The following FAM204A variants were observed in gnomAD, a reference collection of about 807,000 sequenced individuals.
FAM204A encodes protein FAM204A.
Under a neutral mutation model 35.4 loss-of-function variants are expected in FAM204A, and 16 were observed. That is an observed-to-expected ratio of 0.45 (90% CI 0.31 to 0.69). The LOEUF (loss-of-function observed/expected upper bound fraction) is 0.69. Among genes scored for constraint, FAM204A ranks in the 30% least tolerant of loss-of-function variants. The pLI, the probability that FAM204A is intolerant of heterozygous loss-of-function variation, is 0.07. For synonymous variants in FAM204A, 76 were observed against 86.9 expected, an observed-to-expected ratio of 0.88 and a Z score of 0.70; for missense variants, 240 against 265.7, an observed-to-expected ratio of 0.90 and a Z score of 0.67.
rs117363299 is a variant in FAM204A at position 118,315,608 on chromosome 10, C to T, written c.544-4295G>A. Among the ~76,000 whole-genome samples the T allele has an allele frequency of 9.4e-3, 1,425 of 152,192 alleles. 11 individuals are homozygous for T. Among genetic ancestry groups the T allele is most frequent in the Middle Eastern group, 0.027 (8 of 294 alleles). ...GTAAAGCGGAACCATTACTGGAGTA[C>T]TTAAAGTGTTAAGGTCTTTAATTTT... On this transcript the variant is annotated intron_variant, in intron 7 of 8. Transcript: ENST00000369183.
In FAM204A at chr10:118,331,843, T is replaced by TTATATATA. The variant is rs55733401; in HGVS notation, c.453+3263_453+3270dup. On this transcript the variant is annotated intron_variant, in intron 6 of 8. Coordinates refer to ENST00000369183, the MANE Select transcript of FAM204A (RefSeq NM_022063.3). The stretch of plus-strand genomic sequence containing the variant: ...ATATTTATTCATAATTTTGTTACCT[T>TTATATATA]TATATATATATATATATATATAATC... Among the ~76,000 whole-genome samples, 939 of 142,412 alleles carry TTATATATA rather than the reference T, an allele frequency of 6.6e-3. 8 individuals are homozygous for TTATATATA. The highest frequency in any genetic ancestry group is 0.017 in the African/African-American group (642 of 38,884). 93.4% of individuals were successfully genotyped at this position (142,412 alleles called of 152,430 possible). A position where few individuals can be genotyped will look rare whatever the true frequency, so the allele number is the denominator to read the frequency against.
At chr10:118,325,731 G>A (rs979640465) in intron 7 of FAM204A, among the ~76,000 whole-genome samples, 6 of 152,064 alleles carry the variant, frequency 3.9e-5, no homozygotes, top group Admixed American at 2.0e-4. Context: ...GGGCTGAGGG[G>A]GATGTGCTGA....
In FAM204A at chr10:118,307,071, A is replaced by G. The variant is rs1845874584; in HGVS notation, c.*3786T>C. 1 of 152,242 alleles carries G rather than the reference A, an allele frequency of 6.6e-6. No individual in the cohort carries two copies. The highest frequency in any genetic ancestry group is 1.5e-5 in the Non-Finnish European group (1 of 68,044). The allele number at this position is 152,242 out of a possible 1,614,324, so 9.4% of individuals were successfully genotyped here. ...TATTGATAAATTTATTCTAACACAT[A>G]TTCTACTTTCTAGCATAAAGTCACC... On this transcript the variant is annotated 3_prime_UTR_variant, in exon 9 of 9. Transcript: ENST00000369183.
intron 2 of FAM204A, 71 bp from the exon 3 acceptor site, chr10:118,336,494 TTCC>T: frequency 7.4e-7 from 1 of 1,346,380 alleles, no homozygotes. Context: ...TTAGAAGACA[TTCC>T]AGGTGCCTAA....
chr10:118,330,282 T>C (rs1227437194), intron 6 of FAM204A, among the ~76,000 whole-genome samples: 1 of 152,136 alleles, frequency 6.6e-6, no homozygotes, highest in Non-Finnish European at 1.5e-5. Context: ...ATACCTCAAC[T>C]CAGAACTTAT....
chr10:118,322,579 G>A (rs928921871), intron 7 of FAM204A, among the ~76,000 whole-genome samples: 1 of 151,898 alleles, frequency 6.6e-6, no homozygotes, highest in African/African-American at 2.4e-5. Flanking sequence ...GAAACATGAC[G>A]ACAAAATGCA....
At chr10:118,323,511 C>A (rs1846151622) in intron 7 of FAM204A, among the ~76,000 whole-genome samples, 1 of 152,106 alleles carries the variant, frequency 6.6e-6, no homozygotes. Flanking sequence ...TCAGACCAGA[C>A]TGCCACCACC....
intron 7 of FAM204A, among the ~76,000 whole-genome samples, chr10:118,323,456 CA>C (rs1846150941): frequency 6.6e-6 from 1 of 152,078 alleles, no homozygotes; most frequent in Admixed American, 6.6e-5. Context: ...ACTTAAGTAT[CA>C]GTTATCTAGA....
rs1215335022 is a variant in FAM204A at position 118,300,702 on chromosome 10, C to A, written c.*10155G>T. The A allele has an allele frequency of 6.6e-6, 1 of 152,176 alleles. No homozygotes were observed. Among genetic ancestry groups the A allele is most frequent in the Non-Finnish European group, 1.5e-5 (1 of 68,062 alleles). 9.4% of individuals were successfully genotyped at this position (152,176 alleles called of 1,614,324 possible). On this transcript the variant is annotated 3_prime_UTR_variant, in exon 9 of 9. Transcript: ENST00000369183. ...TATAGGAGCTTAGCCCTGGGGAATT[C>A]TTTGGGCAGAATCCAGGGACATACT...
intron 7 of FAM204A, chr10:118,322,311 T>C (rs1315953920): frequency 2.2e-6 from 1 of 455,988 alleles, no homozygotes; most frequent in Non-Finnish European, 4.4e-6. Context: ...CTACCTGAAG[T>C]AGTTAATCGA....
chr10:118,322,536 A>AT, intron 7 of FAM204A: 1 of 249,520 alleles, frequency 4.0e-6, no homozygotes. Context: ...ACAAAGAAAA[A>AT]CTGAGGAACC....
chr10:118,339,057 G>A (rs572475070), intron 2 of FAM204A, among the ~76,000 whole-genome samples: 49 of 152,270 alleles, frequency 3.2e-4, no homozygotes, highest in African/African-American at 1.2e-3. Context: ...TGAAAAAGGT[G>A]GAATCCACCT....
intron 6 of FAM204A, among the ~76,000 whole-genome samples, chr10:118,333,821 T>C (rs904022388): frequency 1.3e-5 from 2 of 152,180 alleles, no homozygotes; most frequent in Non-Finnish European, 1.5e-5. Flanking sequence ...AGTTCCTTAA[T>C]GTATGCACCC....
rs573899818 is a variant in FAM204A, at chr10:118,322,208, A to C, written c.543+3946T>G. The C allele has an allele frequency of 2.2e-5, 7 of 316,614 alleles. No individual in the cohort carries two copies. The East Asian group carries it at 6.1e-4, about 27-fold the overall frequency. The allele number at this position is 316,614 out of a possible 1,614,324, so 19.6% of individuals were successfully genotyped here. A position where few individuals can be genotyped will look rare whatever the true frequency, so the allele number is the denominator to read the frequency against. ...GGAAAACATGAGAAAGAGAACATTTACACAGTCTCAGATTATCTCCTAACT... is the reference window on the plus strand; with the variant it reads ...GGAAAACATGAGAAAGAGAACATTTCCACAGTCTCAGATTATCTCCTAACT... On this transcript the variant is annotated intron_variant, in intron 7 of 8. Coordinates refer to ENST00000369183, the MANE Select transcript of FAM204A (RefSeq NM_022063.3).
Position 118,301,701 on chromosome 10 carries a change from C to T in FAM204A, c.*9156G>A, listed in dbSNP as rs1845809484. On this transcript the variant is annotated 3_prime_UTR_variant, in exon 9 of 9. Coordinates refer to ENST00000369183, the MANE Select transcript of FAM204A (RefSeq NM_022063.3). ...TATATTGTTTGCTATATGTGAGAAT[C>T]TATTCTCAGCACTTTCATATTCATT... is the stretch of plus-strand genomic sequence containing the variant. The T allele has an allele frequency of 6.6e-6, 1 of 152,172 alleles. No homozygotes were observed. The highest frequency in any genetic ancestry group is 1.5e-5 in the Non-Finnish European group (1 of 68,022). 9.4% of individuals were successfully genotyped at this position (152,172 alleles called of 1,614,324 possible). A position where few individuals can be genotyped will look rare whatever the true frequency, so the allele number is the denominator to read the frequency against.
chr10:118,313,368 C>G (rs1845982793), intron 7 of FAM204A, among the ~76,000 whole-genome samples: 1 of 152,192 alleles, frequency 6.6e-6, no homozygotes, highest in South Asian at 2.1e-4. Context: ...GAGGGCCTCA[C>G]AATGGCTCTT....
chr10:118,316,172 T>TTA (rs1200472403), intron 7 of FAM204A, among the ~76,000 whole-genome samples: 2 of 152,172 alleles, frequency 1.3e-5, no homozygotes, highest in Admixed American at 1.3e-4. Context: ...TTCCAATGAC[T>TTA]GGTAACACTG....
Position 118,300,578 on chromosome 10 carries a change from A to G in FAM204A, c.*10279T>C, listed in dbSNP as rs1845798274. The G allele has an allele frequency of 6.6e-6, 1 of 152,186 alleles. No homozygotes were observed. The highest frequency in any genetic ancestry group is 1.5e-5 in the Non-Finnish European group (1 of 68,034). The allele number at this position is 152,186 out of a possible 1,614,324, so 9.4% of individuals were successfully genotyped here. ...ATGCACATTAATAAAATCATCAAAA[A>G]CCACATAAACTTCAAAGCAGTATAT... On this transcript the variant is annotated 3_prime_UTR_variant, in exon 9 of 9. Coordinates refer to ENST00000369183, the MANE Select transcript of FAM204A (RefSeq NM_022063.3).
chr10:118,298,417 C>T lies in FAM204A; in HGVS notation c.*12440G>A, dbSNP rs1441493010. On this transcript the variant is annotated 3_prime_UTR_variant, in exon 9 of 9. Coordinates refer to ENST00000369183, the MANE Select transcript of FAM204A (RefSeq NM_022063.3). Reference sequence around the variant, plus strand: ...AATGCGATGTGTATCTGAATAAAGACGCTTATTCTCTCCTACCAGTTACTC... The same window carrying T: ...AATGCGATGTGTATCTGAATAAAGATGCTTATTCTCTCCTACCAGTTACTC... The T allele has an allele frequency of 6.6e-6, 1 of 152,164 alleles. No individual in the cohort carries two copies. Among genetic ancestry groups the T allele is most frequent in the Non-Finnish European group, 1.5e-5 (1 of 68,036 alleles). The allele number at this position is 152,164 out of a possible 1,614,324, so 9.4% of individuals were successfully genotyped here.
Sources: gnomAD v4.1 joint callset for allele counts (sites outside exome capture counted in the v4.1 genomes callset) on GRCh38, gnomAD v4.1.1 for gene constraint, MANE v1.5 for transcripts, NCBI Gene and HGNC (gene_info 2026-07-23, HGNC 2026-07-21) for gene names.